Variants in GULP1 observed in about 807,000 individuals in gnomAD.
GULP1 encodes GULP PTB domain containing engulfment adaptor 1.
A neutral mutation model predicts 40.9 loss-of-function variants in GULP1; 19 were observed. That is an observed-to-expected ratio of 0.46 (90% CI 0.32 to 0.68). The LOEUF (loss-of-function observed/expected upper bound fraction) is 0.68. GULP1 is among the 30% of genes least tolerant of loss of function. The pLI, the probability that GULP1 is intolerant of heterozygous loss-of-function variation, is 0.03. For missense variants in GULP1, 312 were observed against 362.2 expected (o/e 0.86, Z 1.12); for synonymous variants, 119 against 117.6 (o/e 1.01, Z -0.08).
chr2:188,390,752 T>C (rs1181806880), intron 2 of GULP1, among the ~76,000 whole-genome samples: 26 of 152,132 alleles, frequency 1.7e-4, no homozygotes, highest in Admixed American at 1.7e-3. Context: ...TTTCAGGTCT[T>C]AGATTTAAGG....
intron 2 of GULP1, among the ~76,000 whole-genome samples, chr2:188,450,183 C>T (rs2058719849): frequency 6.6e-6 from 1 of 152,142 alleles, no homozygotes; most frequent in Non-Finnish European, 1.5e-5. Context: ...ATTTCTGGCA[C>T]TGTGCCAGGT....
At chr2:188,467,466 G>T (rs538938794) in intron 2 of GULP1, among the ~76,000 whole-genome samples, 4 of 151,950 alleles carry the variant, frequency 2.6e-5, no homozygotes, top group Admixed American at 2.6e-4. Flanking sequence ...TCAGTATCAA[G>T]ATTTTGGCAG....
At chr2:188,376,291 T>C (rs2048289771) in intron 1 of GULP1, among the ~76,000 whole-genome samples, 1 of 152,246 alleles carries the variant, frequency 6.6e-6, no homozygotes, top group South Asian at 2.1e-4. Flanking sequence ...AAAACACCTG[T>C]GATAATGACT....
At chr2:188,526,533 T>G (rs1265442285) in intron 5 of GULP1, among the ~76,000 whole-genome samples, 1 of 152,076 alleles carries the variant, frequency 6.6e-6, no homozygotes, top group Non-Finnish European at 1.5e-5. Flanking sequence ...AAGAGGTCTG[T>G]AAGTAGGAAA....
chr2:188,330,903 A>T (rs2041480039), intron 1 of GULP1, among the ~76,000 whole-genome samples: 1 of 152,144 alleles, frequency 6.6e-6, no homozygotes, highest in Non-Finnish European at 1.5e-5. Flanking sequence ...TTTCAACCAG[A>T]GCCTTGAGCT....
chr2:188,367,059 T>G (rs1191910243), intron 1 of GULP1, among the ~76,000 whole-genome samples: 5 of 152,228 alleles, frequency 3.3e-5, no homozygotes, highest in Admixed American at 3.3e-4. Context: ...TACCTTTATA[T>G]GTAGTTAAAT....
intron 1 of GULP1, among the ~76,000 whole-genome samples, chr2:188,314,746 T>C (rs760383962): frequency 4.6e-5 from 7 of 152,288 alleles, no homozygotes; most frequent in South Asian, 4.1e-4. Flanking sequence ...CTCCGGTCAA[T>C]TGTGGTTGGA....
intron 4 of GULP1, among the ~76,000 whole-genome samples, chr2:188,503,250 A>G (rs115763793): frequency 0.011 from 1,661 of 151,892 alleles, 36 homozygotes; most frequent in African/African-American, 0.038. Flanking sequence ...GTGTTAGTGT[A>G]TTAGTCCATT....
chr2:188,497,362 A>C (rs951385180), intron 4 of GULP1, among the ~76,000 whole-genome samples: 6 of 152,016 alleles, frequency 3.9e-5, no homozygotes, highest in Non-Finnish European at 7.4e-5. Flanking sequence ...AAATGGTCCA[A>C]ACAACAGGAC....
chr2:188,381,185 A>G (rs957974298), intron 1 of GULP1, among the ~76,000 whole-genome samples: 2 of 152,166 alleles, frequency 1.3e-5, no homozygotes, highest in Non-Finnish European at 2.9e-5. Flanking sequence ...ATCTAATCAT[A>G]TCAGACATAG....
chr2:188,392,126 T>C lies in GULP1; in HGVS notation c.-45+8237T>C, dbSNP rs527306161. ...GTATCAGGGTGATACTGGCTTCATA[T>C]AATGAATTAGGGAGGATTACCTCTT... is the stretch of plus-strand genomic sequence containing the variant. On this transcript the variant is annotated intron_variant, in intron 2 of 11. Transcript: ENST00000409830. Among the ~76,000 whole-genome samples the C allele has an allele frequency of 3.3e-5, 5 of 152,102 alleles. No individual in the cohort carries two copies. In the South Asian group the frequency reaches 1.0e-3, roughly 31 times the overall value.
At chr2:188,569,394 G>GT (rs1361382213) in intron 8 of GULP1, 39 bp downstream of exon 8, 22 of 1,014,604 alleles carry the variant, frequency 2.2e-5, no homozygotes, top group Non-Finnish European at 3.2e-5. Flanking sequence ...TTTGTGTGAT[G>GT]TAAGTACAGG....
intron 1 of GULP1, among the ~76,000 whole-genome samples, chr2:188,319,327 T>A (rs2039616052): frequency 6.6e-6 from 1 of 152,140 alleles, no homozygotes; most frequent in Non-Finnish European, 1.5e-5. Flanking sequence ...TACACCCACG[T>A]CCCTCAGAGG....
intron 1 of GULP1, among the ~76,000 whole-genome samples, chr2:188,373,790 C>T (rs984787459): frequency 1.1e-4 from 17 of 151,810 alleles, no homozygotes; most frequent in Non-Finnish European, 7.4e-5. Flanking sequence ...CATTTGCTTG[C>T]GGTGTAAAAT....
At chr2:188,508,195 AC>A (rs751176177) in intron 4 of GULP1, among the ~76,000 whole-genome samples, 33 of 151,970 alleles carry the variant, frequency 2.2e-4, no homozygotes, top group Non-Finnish European at 3.7e-4. Context: ...TTCGAACAAA[AC>A]CCATTAAACA....
At chr2:188,583,411 C>CA in intron 9 of GULP1, among the ~76,000 whole-genome samples, 1 of 152,208 alleles carries the variant, frequency 6.6e-6, no homozygotes, top group South Asian at 2.1e-4. Context: ...AAATTTTTCG[C>CA]CACTATTCCC....
intron 10 of GULP1, among the ~76,000 whole-genome samples, chr2:188,584,808 T>C (rs1201033206): frequency 3.9e-5 from 6 of 152,072 alleles, no homozygotes; most frequent in Non-Finnish European, 8.8e-5. Context: ...TGGACTTTTT[T>C]GTTAAAAAAT....
At chr2:188,586,388 C>A (rs1353783428) in intron 10 of GULP1, among the ~76,000 whole-genome samples, 2 of 152,134 alleles carry the variant, frequency 1.3e-5, no homozygotes, top group Non-Finnish European at 2.9e-5. Flanking sequence ...CATTTTTTAA[C>A]AAACACCTAC....
intron 1 of GULP1, among the ~76,000 whole-genome samples, chr2:188,344,467 G>A (rs1051964332): frequency 6.6e-6 from 1 of 152,300 alleles, no homozygotes; most frequent in Non-Finnish European, 1.5e-5. Context: ...CATAAAATTC[G>A]AGGGGAAAGG....
Sources: gnomAD v4.1 joint callset for allele counts (sites outside exome capture counted in the v4.1 genomes callset) on GRCh38, gnomAD v4.1.1 for gene constraint, MANE v1.5 for transcripts, NCBI Gene and HGNC (gene_info 2026-07-23, HGNC 2026-07-21) for gene names.